Variants in PCIF1 observed in about 807,000 individuals in gnomAD.
PCIF1 encodes mRNA (2'-O-methyladenosine-N(6)-)-methyltransferase.
A neutral mutation model predicts 86.9 loss-of-function variants in PCIF1; 12 were observed. The ratio of observed to expected loss-of-function variants is 0.14; its 90% CI spans 0.09 to 0.22. The LOEUF is 0.22. Among genes scored for constraint, PCIF1 ranks in the 10% least tolerant of loss-of-function variants. The probability of loss-of-function intolerance (pLI) is 1.00; values close to 1 mark genes in which losing one functional copy is unlikely to be tolerated. For missense variants in PCIF1, 701 were observed against 951.1 expected (o/e 0.74, Z 3.46); for synonymous variants, 397 against 372.0 (o/e 1.07, Z -0.77).
At chr20:45,937,718 T>C (rs2083438418) in intron 2 of PCIF1, 133 bp downstream of exon 2, 1 of 397,592 alleles carries the variant, frequency 2.5e-6, no homozygotes, top group Non-Finnish European at 4.4e-6. Context: ...TCTCAACCTT[T>C]TTGTTATCAA....
At chr20:45,937,086 A>G (rs1020934659) in intron 1 of PCIF1, among the ~76,000 whole-genome samples, 1 of 152,166 alleles carries the variant, frequency 6.6e-6, no homozygotes, top group Non-Finnish European at 1.5e-5. Context: ...CTGGCTACAG[A>G]GTTTGTGGGG....
intron 1 of PCIF1, among the ~76,000 whole-genome samples, chr20:45,935,421 T>G (rs927721661): frequency 6.6e-6 from 1 of 152,194 alleles, no homozygotes; most frequent in African/African-American, 2.4e-5. Flanking sequence ...GCGGTAATTC[T>G]CAAACTGCGG....
In PCIF1 at chr20:45,947,838, G is replaced by A. The variant is rs985108026; in HGVS notation, c.*83G>A. ...GCCCCTGGGGCCTCAGAGGGACCCC[G>A]GCTGCCACTGACATATGAAGATTAT... On this transcript the variant is annotated 3_prime_UTR_variant, in exon 17 of 17. Transcript: ENST00000372409. The surrounding 1 kb of genome is among the most constrained non-coding windows in gnomAD (Gnocchi z 5.4). 140 of 1,531,750 alleles carry A rather than the reference G, an allele frequency of 9.1e-5. No individual in the cohort carries two copies. The East Asian group carries it at 2.4e-3, about 27-fold the overall frequency. 94.9% of individuals were successfully genotyped at this position (1,531,750 alleles called of 1,614,324 possible). A position where few individuals can be genotyped will look rare whatever the true frequency, so the allele number is the denominator to read the frequency against.
At chr20:45,938,116 C>G (rs751385642) in intron 2 of PCIF1, 4 of 152,334 alleles carry the variant, frequency 2.6e-5, no homozygotes, top group African/African-American at 9.6e-5. Flanking sequence ...AGGCCAGAAG[C>G]ACTTTGGCTC....
chr20:45,940,579 G>A lies in PCIF1; in HGVS notation c.354G>A (p.Glu118=). The change falls in exon 5 of 17, where the codon GAG becomes GAA. Residue 118 remains glutamate (E), a synonymous_variant. Transcript: ENST00000372409. ...CCAGAAAGCGGCAGCTCTCGGAAGAGCAGCCAAGCGGCAATGGTGTGAAGA... is the reference window on the plus strand; with the variant it reads ...CCAGAAAGCGGCAGCTCTCGGAAGAACAGCCAAGCGGCAATGGTGTGAAGA... ...NKPRKRQLSE[E]QPSGNGVKKP... The A allele has an allele frequency of 6.2e-7, 1 of 1,610,760 alleles. No homozygotes were observed. Among genetic ancestry groups the A allele is most frequent in the Non-Finnish European group, 8.5e-7 (1 of 1,178,430 alleles).
At position 45,947,477 on chromosome 20, in the gene PCIF1, G is replaced by T; in HGVS notation, c.1883+39G>T. ...AGGGCAGGGGAAGGAGGCTGGGCTG[G>T]CCAGGCCAGGCCCAGCCCCACCCTG... On this transcript the variant is annotated intron_variant, in intron 16 of 16. Coordinates refer to ENST00000372409, the MANE Select transcript of PCIF1 (RefSeq NM_022104.4). This position sits in a 1 kb window ranked among gnomAD's most constrained non-coding sequence, Gnocchi z 5.4. The T allele has an allele frequency of 6.2e-7, 1 of 1,612,944 alleles. No individual in the cohort carries two copies. Among genetic ancestry groups the T allele is most frequent in the Non-Finnish European group, 8.5e-7 (1 of 1,179,826 alleles).
intron 14 of PCIF1, among the ~76,000 whole-genome samples, 200 bp downstream of exon 14, chr20:45,946,584 C>T (rs1393020816): frequency 6.7e-6 from 1 of 149,128 alleles, no homozygotes; most frequent in African/African-American, 2.4e-5. Context: ...GCACGTGACA[C>T]CCCTAAGCTG....
chr20:45,944,831 C>T (rs759190560), intron 10 of PCIF1, 37 bp from the exon 11 acceptor site: 2 of 1,587,616 alleles, frequency 1.3e-6, no homozygotes, highest in Non-Finnish European at 1.7e-6. Flanking sequence ...GCCCCTCTGG[C>T]CTCCACTAGC....
At position 45,937,877 on chromosome 20, in the gene PCIF1, G is replaced by A. The variant is rs575690906; in HGVS notation, c.-20+292G>A. ...AATAAAATCAGTGTCCCAATGATTC[G>A]TATGATGTCATCAACAACCAATCAG... On this transcript the variant is annotated intron_variant, in intron 2 of 16. Transcript: ENST00000372409. 6.3e-5 allele frequency: 18 copies of A among 287,692 alleles called. 1 individual carries two copies. The East Asian group carries it at 7.8e-4, about 12-fold the overall frequency. The allele number at this position is 287,692 out of a possible 1,614,324, so 17.8% of individuals were successfully genotyped here.
intron 7 of PCIF1, among the ~76,000 whole-genome samples, chr20:45,942,357 C>T (rs1313582248): frequency 4.9e-5 from 7 of 144,316 alleles, no homozygotes; most frequent in African/African-American, 1.3e-4. Context: ...TCTTGTTGCC[C>T]TGGCTGGAGT....
chr20:45,942,606 C>T (rs989944466), intron 7 of PCIF1, among the ~76,000 whole-genome samples: 2 of 151,980 alleles, frequency 1.3e-5, no homozygotes, highest in South Asian at 2.1e-4. Context: ...TGAGCCACTG[C>T]GCCCAGCCTT....
At chr20:45,939,162 A>G in intron 3 of PCIF1, 39 bp downstream of exon 3, 2 of 1,614,026 alleles carry the variant, frequency 1.2e-6, no homozygotes, top group Non-Finnish European at 1.7e-6. Context: ...TGGGGTAGGA[A>G]GGGCACCCTG....
chr20:45,939,359 G>T lies in PCIF1; in HGVS notation c.249+20G>T, dbSNP rs773192344. ...GTGATTGTGAGTGCCAGCCTAGGGTGGGGGGGTCTCAGAGTGGCCTCTGGC... is the reference window on the plus strand; with the variant it reads ...GTGATTGTGAGTGCCAGCCTAGGGTTGGGGGGTCTCAGAGTGGCCTCTGGC... On this transcript the variant is annotated intron_variant, in intron 4 of 16. Transcript: ENST00000372409. 199 of 1,611,608 alleles carry T rather than the reference G, an allele frequency of 1.2e-4. No individual in the cohort carries two copies. The highest frequency in any genetic ancestry group is 1.6e-4 in the Non-Finnish European group (194 of 1,179,768).
At chr20:45,940,351 T>A in intron 4 of PCIF1, 124 bp from the exon 5 acceptor site, 1 of 1,250,658 alleles carries the variant, frequency 8.0e-7, no homozygotes. Context: ...TCTCTGCCTG[T>A]ATCCCAGCTC....
chr20:45,939,860 G>A (rs1383785784), intron 4 of PCIF1, among the ~76,000 whole-genome samples: 1 of 152,060 alleles, frequency 6.6e-6, no homozygotes, highest in Non-Finnish European at 1.5e-5. Context: ...GGGCTTTTGG[G>A]TCCTTCTCAG....
At chr20:45,946,499 C>T in intron 14 of PCIF1, 115 bp downstream of exon 14, 1 of 1,227,560 alleles carries the variant, frequency 8.1e-7, no homozygotes, top group East Asian at 2.3e-5. Context: ...CCTGCCTCCA[C>T]CTCTTACCGG....
intron 2 of PCIF1, 126 bp from the exon 3 acceptor site, chr20:45,938,855 C>T (rs2083446478): frequency 2.4e-6 from 3 of 1,269,236 alleles, no homozygotes; most frequent in Non-Finnish European, 3.3e-6. Flanking sequence ...TGGCACCATG[C>T]TGGCCCTCCA....
intron 7 of PCIF1, among the ~76,000 whole-genome samples, chr20:45,942,224 T>G (rs2145330831): frequency 6.6e-6 from 1 of 151,872 alleles, no homozygotes; most frequent in East Asian, 1.9e-4. Context: ...TCCACCCGCC[T>G]TGGCCTCCCA....
At position 45,946,167 on chromosome 20, in the gene PCIF1, G is replaced by C. The variant is rs761303909; in HGVS notation, c.1429-33G>C. The C allele has an allele frequency of 8.7e-6, 14 of 1,614,066 alleles. No homozygotes were observed. The African/African-American group carries it at 1.9e-4, about 22-fold the overall frequency. ...CTCCCCAGGAGGGAACAGGGAGGGT[G>C]AGCCCCAGGTGCTGACGGTGGCCAC... On this transcript the variant is annotated intron_variant, in intron 13 of 16. Transcript: ENST00000372409.
Sources: allele counts gnomAD v4.1 joint callset (sites outside exome capture counted in the v4.1 genomes callset), GRCh38; gene constraint gnomAD v4.1.1; non-coding constraint Gnocchi (gnomAD v3.1); transcripts MANE v1.5; gene names NCBI Gene and HGNC (gene_info 2026-07-23, HGNC 2026-07-21).